The following CELF2 variants were observed in gnomAD, a reference collection of about 807,000 sequenced individuals.
The protein encoded by CELF2 is CUG triplet repeat RNA-binding protein 2.
Under a neutral mutation model 62.6 loss-of-function variants are expected in CELF2, and 8 were observed. The ratio of observed to expected loss-of-function variants is 0.13; its 90% CI spans 0.07 to 0.23. The LOEUF (loss-of-function observed/expected upper bound fraction) is 0.23. CELF2 is among the 10% of genes least tolerant of loss of function. The probability of loss-of-function intolerance (pLI) is 1.00; values close to 1 mark genes in which losing one functional copy is unlikely to be tolerated. For synonymous variants in CELF2, 258 were observed against 250.0 expected (o/e 1.03, Z -0.30); for missense variants, 333 against 671.0 (o/e 0.50, Z 5.56).
At chr10:10,494,497 C>G in the CELF2 span, among the ~76,000 whole-genome samples, 7 of 152,164 alleles carry the variant, frequency 4.6e-5, no homozygotes, top group African/African-American at 1.7e-4. Context: ...TGGTGTTTTA[C>G]ATACGGGAAG....
At chr10:10,594,207 A>T in the CELF2 span, among the ~76,000 whole-genome samples, 1 of 152,238 alleles carries the variant, frequency 6.6e-6, no homozygotes, top group African/African-American at 2.4e-5. Flanking sequence ...TAAGAACAAA[A>T]GAGACACAAG....
chr10:10,747,100 C>T, the CELF2 span, among the ~76,000 whole-genome samples: 4 of 152,124 alleles, frequency 2.6e-5, no homozygotes, highest in African/African-American at 9.7e-5. Context: ...GATTCTCTTG[C>T]GGAGTTTAGA....
At chr10:11,040,295 G>T (rs905157268) in intron 1 of CELF2, among the ~76,000 whole-genome samples, 2 of 152,294 alleles carry the variant, frequency 1.3e-5, no homozygotes. Flanking sequence ...TTTTGGAGAA[G>T]AAGCAAAATA....
intron 1 of CELF2, among the ~76,000 whole-genome samples, chr10:10,815,452 G>C (rs887405330): frequency 6.6e-6 from 1 of 152,214 alleles, no homozygotes; most frequent in Non-Finnish European, 1.5e-5. Flanking sequence ...AACTAGGTTA[G>C]AGAATATAGA....
chr10:11,114,886 T>C (rs1382920362), intron 1 of CELF2, among the ~76,000 whole-genome samples: 1 of 152,248 alleles, frequency 6.6e-6, no homozygotes, highest in Non-Finnish European at 1.5e-5. Context: ...TGTTTTCTTT[T>C]TTAAAGGTCA....
At chr10:11,108,926 A>G (rs1297076316) in intron 1 of CELF2, among the ~76,000 whole-genome samples, 1 of 152,168 alleles carries the variant, frequency 6.6e-6, no homozygotes, top group Non-Finnish European at 1.5e-5. Flanking sequence ...TAGTCTGGAT[A>G]TTAATCCTCT....
At position 11,332,791 on chromosome 10, in the gene CELF2, C is replaced by CTTCCTTACAATGACATGATTT. The variant is rs1461029933; in HGVS notation, c.*3739_*3759dup. 2.0e-5 allele frequency: 3 copies of CTTCCTTACAATGACATGATTT among 152,706 alleles called. No homozygotes were observed. The highest frequency in any genetic ancestry group is 4.4e-5 in the Non-Finnish European group (3 of 68,068). The allele number at this position is 152,706 out of a possible 1,614,324, so 9.5% of individuals were successfully genotyped here. A position where few individuals can be genotyped will look rare whatever the true frequency, so the allele number is the denominator to read the frequency against. ...ACGTTTCCTTCTTATAGCACATGCA[C>CTTCCTTACAATGACATGATTT]TTCCTTACAATGACATGATTTGTAT... On this transcript the variant is annotated 3_prime_UTR_variant, in exon 13 of 13. Coordinates refer to ENST00000633077, the MANE Select transcript of CELF2 (RefSeq NM_001326342.2).
chr10:10,576,620 C>T, the CELF2 span, among the ~76,000 whole-genome samples: 2 of 152,084 alleles, frequency 1.3e-5, no homozygotes, highest in African/African-American at 2.4e-5. Flanking sequence ...TACTTTTACC[C>T]ATGCTATTTT....
Position 11,197,325 on chromosome 10 carries a change from C to G in CELF2, c.272-20100C>G, listed in dbSNP as rs528934923. ...AATCCAGGAGCCTCCCATTGTGATGCTCACTCCTTCTCCTGTCCATTCATA... is the reference window on the plus strand; with the variant it reads ...AATCCAGGAGCCTCCCATTGTGATGGTCACTCCTTCTCCTGTCCATTCATA... On this transcript the variant is annotated intron_variant, in intron 2 of 12. Coordinates refer to ENST00000633077, the MANE Select transcript of CELF2 (RefSeq NM_001326342.2). Among the ~76,000 whole-genome samples the G allele has an allele frequency of 2.0e-5, 3 of 152,272 alleles. No homozygotes were observed. In the East Asian group the frequency reaches 5.8e-4, roughly 29 times the overall value.
In CELF2 at chr10:11,268,450, C is replaced by T. The variant is rs894551296; in HGVS notation, c.618+1773C>T. Among the ~76,000 whole-genome samples, 15 of 152,126 alleles carry T rather than the reference C, an allele frequency of 9.9e-5. No homozygotes were observed. Among genetic ancestry groups the T allele is most frequent in the Non-Finnish European group, 1.0e-4 (7 of 68,022 alleles). The stretch of plus-strand genomic sequence containing the variant: ...AGAGCCACGGACAACCCACGGGAGA[C>T]CATGTTCCCCTGTGTTCCTGTAGAA... On this transcript the variant is annotated intron_variant, in intron 6 of 12. Coordinates refer to ENST00000633077, the MANE Select transcript of CELF2 (RefSeq NM_001326342.2). This position sits in a 1 kb window ranked among gnomAD's most constrained non-coding sequence, Gnocchi z 4.7.
chr10:10,902,200 C>T (rs1049487358), intron 1 of CELF2, among the ~76,000 whole-genome samples: 6 of 152,184 alleles, frequency 3.9e-5, no homozygotes, highest in African/African-American at 1.4e-4. Flanking sequence ...AAGTTAAATA[C>T]ACATCTACCA....
At chr10:10,660,584 T>G in the CELF2 span, among the ~76,000 whole-genome samples, 1 of 152,232 alleles carries the variant, frequency 6.6e-6, no homozygotes, top group Admixed American at 6.5e-5. Context: ...TTTATTGCTG[T>G]AATGGCTACA....
chr10:10,595,448 T>G, the CELF2 span, among the ~76,000 whole-genome samples: 36,971 of 151,970 alleles, frequency 0.24, 5,011 homozygotes, highest in South Asian at 0.51. Flanking sequence ...GAAAGTGAGG[T>G]GGGAGGCAGG....
chr10:10,722,231 G>T, the CELF2 span, among the ~76,000 whole-genome samples: 872 of 152,260 alleles, frequency 5.7e-3, 2 homozygotes, highest in Non-Finnish European at 8.0e-3. Context: ...AAGCCCAGAA[G>T]TTGGATGCTG....
At chr10:10,801,881 C>T (rs948094152) in intron 1 of CELF2, among the ~76,000 whole-genome samples, 5 of 152,168 alleles carry the variant, frequency 3.3e-5, no homozygotes, top group Non-Finnish European at 1.5e-5. Context: ...GGTTATAAGC[C>T]TTTCTCAAGA....
At chr10:11,140,006 A>C (rs1288806849) in intron 1 of CELF2, among the ~76,000 whole-genome samples, 1 of 152,142 alleles carries the variant, frequency 6.6e-6, no homozygotes, top group African/African-American at 2.4e-5. Flanking sequence ...TCAAACCGGA[A>C]ATGGTTTCGT....
At chr10:10,529,172 C>T in the CELF2 span, among the ~76,000 whole-genome samples, 2 of 152,190 alleles carry the variant, frequency 1.3e-5, no homozygotes, top group Admixed American at 6.5e-5. Context: ...GCAGACACGG[C>T]CTGTATTTCT....
intron 1 of CELF2, among the ~76,000 whole-genome samples, chr10:11,007,906 G>A (rs1353763291): frequency 6.6e-6 from 1 of 152,010 alleles, no homozygotes; most frequent in Non-Finnish European, 1.5e-5. Context: ...CTAATTCCTG[G>A]GTAGTCACAG....
intron 1 of CELF2, among the ~76,000 whole-genome samples, chr10:11,127,115 G>C (rs1256752390): frequency 6.6e-6 from 1 of 151,980 alleles, no homozygotes; most frequent in Non-Finnish European, 1.5e-5. Context: ...TCATTGTTCA[G>C]TTCCCACCTA....
Sources: gnomAD v4.1 joint callset for allele counts (sites outside exome capture counted in the v4.1 genomes callset) on GRCh38, gnomAD v4.1.1 for gene constraint, Gnocchi (gnomAD v3.1) non-coding constraint, MANE v1.5 for transcripts, NCBI Gene and HGNC (gene_info 2026-07-23, HGNC 2026-07-21) for gene names.